Variants in AQP1 observed in about 807,000 individuals in gnomAD.
AQP1 encodes the protein aquaporin-1.
A neutral mutation model predicts 19.7 loss-of-function variants in AQP1; 11 were observed. The observed-to-expected ratio is 0.56, with a 90% confidence interval of 0.35 to 0.92. The LOEUF (loss-of-function observed/expected upper bound fraction) is 0.92. Ranked by LOEUF, AQP1 falls within the 40% of genes least tolerant of loss-of-function variation. The pLI, the probability that AQP1 is intolerant of heterozygous loss-of-function variation, is 0.01. For missense variants in AQP1, 320 were observed against 369.7 expected, an observed-to-expected ratio of 0.87 and a Z score of 1.10; for synonymous variants, 159 against 166.7, an observed-to-expected ratio of 0.95 and a Z score of 0.36.
At chr7:30,913,673 C>CT (rs1338531053) in intron 1 of AQP1, among the ~76,000 whole-genome samples, 1 of 152,202 alleles carries the variant, frequency 6.6e-6, no homozygotes, top group Non-Finnish European at 1.5e-5. Context: ...CCATGGGGGG[C>CT]TTAGCACTTC....
chr7:30,923,674 CG>C lies in AQP1; in HGVS notation c.*48del. On this transcript the variant is annotated 3_prime_UTR_variant, in exon 4 of 4. Coordinates refer to ENST00000311813, the MANE Select transcript of AQP1 (RefSeq NM_198098.4). The surrounding 1 kb of genome is among the most constrained non-coding windows in gnomAD (Gnocchi z 4.8). ...TCCACGTAGGGGGCAGGGGCAGGGG[CG>C]GGCGGAGGGAGGGGAGGGGTGAAAT... 2.2e-6 allele frequency: 1 copy of C among 452,766 alleles called. No individual in the cohort carries two copies. The highest frequency in any genetic ancestry group is 2.3e-5 in the South Asian group (1 of 42,828). 28.0% of individuals were successfully genotyped at this position (452,766 alleles called of 1,614,324 possible).
chr7:30,921,717 G>A (rs187798109), intron 1 of AQP1: 16 of 1,550,968 alleles, frequency 1.0e-5, no homozygotes, highest in Middle Eastern at 1.7e-4. Flanking sequence ...CCTGGGGCTC[G>A]CCCCTTGCCT....
chr7:30,912,963 A>G lies in AQP1; in HGVS notation c.384+670A>G, dbSNP rs929585925. On this transcript the variant is annotated intron_variant, in intron 1 of 3. Transcript: ENST00000311813. The surrounding 1 kb of genome is among the most constrained non-coding windows in gnomAD (Gnocchi z 4.3). ...GGCTCCATGGTCTCTAGGCACTGAG[A>G]GGTGTGGCGTGTGTGTGCATGTGCG... is the stretch of plus-strand genomic sequence containing the variant. Among the ~76,000 whole-genome samples, 11 of 151,646 alleles carry G rather than the reference A, an allele frequency of 7.3e-5. No individual in the cohort carries two copies. Among genetic ancestry groups the G allele is most frequent in the Middle Eastern group, 3.4e-3 (1 of 294 alleles).
Position 30,923,296 on chromosome 7 carries a change from C to CGGA in AQP1, c.631-153_631-151dup, listed in dbSNP as rs1215356729. Among the ~76,000 whole-genome samples the CGGA allele has an allele frequency of 1.3e-5, 2 of 152,182 alleles. No individual in the cohort carries two copies. The highest frequency in any genetic ancestry group is 4.8e-5 in the African/African-American group (2 of 41,424). On this transcript the variant is annotated intron_variant, in intron 3 of 3. Coordinates refer to ENST00000311813, the MANE Select transcript of AQP1 (RefSeq NM_198098.4). The surrounding 1 kb of genome is among the most constrained non-coding windows in gnomAD (Gnocchi z 4.8). Reference sequence around the variant, plus strand: ...GGCCTGGGCCGGTTCTGAGGGGCACCGGAATCATGATGTTAGGATTTGGCT... The same window carrying CGGA: ...GGCCTGGGCCGGTTCTGAGGGGCACCGGAGGAATCATGATGTTAGGATTTGGCT...
intron 1 of AQP1, among the ~76,000 whole-genome samples, chr7:30,920,607 G>A (rs1231504568): frequency 2.6e-5 from 4 of 152,232 alleles, no homozygotes; most frequent in Non-Finnish European, 5.9e-5. Flanking sequence ...TGGAGAGCAG[G>A]CACGGACAAT....
chr7:30,921,054 G>A (rs1219582939), intron 1 of AQP1, among the ~76,000 whole-genome samples: 1 of 152,192 alleles, frequency 6.6e-6, no homozygotes, highest in Admixed American at 6.5e-5. Context: ...AAGTGTTTGG[G>A]TGCACCAGCC....
chr7:30,920,601 G>C (rs1791475360), intron 1 of AQP1, among the ~76,000 whole-genome samples: 1 of 152,242 alleles, frequency 6.6e-6, no homozygotes, highest in African/African-American at 2.4e-5. Flanking sequence ...CTGCTCTGGA[G>C]AGCAGGCACG....
intron 1 of AQP1, among the ~76,000 whole-genome samples, chr7:30,920,953 C>G (rs566142422): frequency 6.6e-6 from 1 of 152,300 alleles, no homozygotes; most frequent in African/African-American, 2.4e-5. Context: ...AGGTGTGCCC[C>G]CCTACCTTGG....
At chr7:30,922,707 C>G in intron 3 of AQP1, 63 bp downstream of exon 3, 1 of 1,464,702 alleles carries the variant, frequency 6.8e-7, no homozygotes, top group Non-Finnish European at 9.6e-7. Context: ...CTGACCCCAC[C>G]CTCACAGTGT....
intron 1 of AQP1, chr7:30,921,775 A>G: frequency 6.4e-7 from 1 of 1,550,612 alleles, no homozygotes; most frequent in Non-Finnish European, 8.7e-7. Context: ...AGCTGGATGC[A>G]AAGGCCCCAG....
rs1791170818 is a variant in AQP1, at chr7:30,911,853, A to T, written c.-57A>T. ...ATAGGCCCAGCCCAGGCTGTGGCTC[A>T]GCTCTCAGAGGGAATTGAGCACCCG... is the stretch of plus-strand genomic sequence containing the variant. On this transcript the variant is annotated 5_prime_UTR_variant, in exon 1 of 4. Coordinates refer to ENST00000311813, the MANE Select transcript of AQP1 (RefSeq NM_198098.4). 6.2e-7 allele frequency: 1 copy of T among 1,609,422 alleles called. No individual in the cohort carries two copies. Among genetic ancestry groups the T allele is most frequent in the Non-Finnish European group, 8.5e-7 (1 of 1,179,472 alleles).
intron 1 of AQP1, among the ~76,000 whole-genome samples, chr7:30,917,130 C>T (rs544509864): frequency 2.2e-4 from 33 of 152,328 alleles, no homozygotes; most frequent in African/African-American, 7.7e-4. Flanking sequence ...CCCACAGAGG[C>T]GTGGAGACTT....
chr7:30,923,789 TC>T lies in AQP1; in HGVS notation c.*161del. The T allele has an allele frequency of 6.6e-7, 1 of 1,513,742 alleles. No individual in the cohort carries two copies. The highest frequency in any genetic ancestry group is 1.3e-5 in the South Asian group (1 of 79,972). The allele number at this position is 1,513,742 out of a possible 1,614,324, so 93.8% of individuals were successfully genotyped here. On this transcript the variant is annotated 3_prime_UTR_variant, in exon 4 of 4. Coordinates refer to ENST00000311813, the MANE Select transcript of AQP1 (RefSeq NM_198098.4). The surrounding 1 kb of genome is among the most constrained non-coding windows in gnomAD (Gnocchi z 4.8). ...TGGTCAAGCCTCTTATGGGGGTGTT[TC>T]TATCTCTTTCTTTCTCTTTCTGTTT...
At chr7:30,916,840 C>A (rs1186867053) in intron 1 of AQP1, among the ~76,000 whole-genome samples, 1 of 152,068 alleles carries the variant, frequency 6.6e-6, no homozygotes, top group East Asian at 1.9e-4. Context: ...AAGCTCCCTG[C>A]CATTAGGGGT....
At chr7:30,916,189 G>C (rs1348394702) in intron 1 of AQP1, among the ~76,000 whole-genome samples, 2 of 152,158 alleles carry the variant, frequency 1.3e-5, no homozygotes, top group Non-Finnish European at 2.9e-5. Flanking sequence ...CTTTGAGAGG[G>C]GACACGGCCT....
Position 30,911,948 on chromosome 7 carries a change from A to G in AQP1, c.39A>G (p.Ala13=), listed in dbSNP as rs748606187. 1.1e-5 allele frequency: 18 copies of G among 1,613,470 alleles called. No homozygotes were observed. The highest frequency in any genetic ancestry group is 1.1e-5 in the Non-Finnish European group (13 of 1,180,038). ...SEFKKKLFWR[A]VVAEFLATTL... ...TCAAGAAGAAGCTCTTCTGGAGGGC[A>G]GTGGTGGCCGAGTTCCTGGCCACGA... Residue 13 remains alanine (A), a synonymous_variant, in exon 1 of 4, where the codon GCA becomes GCG. Coordinates refer to ENST00000311813, the MANE Select transcript of AQP1 (RefSeq NM_198098.4).
At chr7:30,921,936 G>A in intron 1 of AQP1, 130 bp from the exon 2 acceptor site, 1 of 1,553,604 alleles carries the variant, frequency 6.4e-7, no homozygotes, top group Non-Finnish European at 8.8e-7. Flanking sequence ...ACCCTGTGAT[G>A]GGCTCTGAAG....
In AQP1 at chr7:30,923,876, T is replaced by A; in HGVS notation, c.*247T>A. The stretch of plus-strand genomic sequence containing the variant: ...CAATTCACCCACTCCCTTGAAGTTG[T>A]GGAGGAGGTGAAAGAAAGGGACCCA... On this transcript the variant is annotated 3_prime_UTR_variant, in exon 4 of 4. Coordinates refer to ENST00000311813, the MANE Select transcript of AQP1 (RefSeq NM_198098.4). This position sits in a 1 kb window ranked among gnomAD's most constrained non-coding sequence, Gnocchi z 4.8. 1.3e-6 allele frequency: 2 copies of A among 1,498,416 alleles called. No homozygotes were observed. The highest frequency in any genetic ancestry group is 8.9e-7 in the Non-Finnish European group (1 of 1,118,162). The allele number at this position is 1,498,416 out of a possible 1,614,324, so 92.8% of individuals were successfully genotyped here.
chr7:30,921,655 C>T, intron 1 of AQP1: 1 of 1,550,932 alleles, frequency 6.4e-7, no homozygotes, highest in Non-Finnish European at 8.7e-7. Flanking sequence ...CTGGGCCTTC[C>T]CACCTTTTTG....
Sources: allele counts gnomAD v4.1 joint callset (sites outside exome capture counted in the v4.1 genomes callset), GRCh38; gene constraint gnomAD v4.1.1; non-coding constraint Gnocchi (gnomAD v3.1); transcripts MANE v1.5; gene names NCBI Gene and HGNC (gene_info 2026-07-23, HGNC 2026-07-21).